Variants in FAM83G observed in about 807,000 individuals in gnomAD.
The protein encoded by FAM83G is protein FAM83G.
FAM83G carries 38 observed loss-of-function variants against 61.5 expected under a neutral mutation model. The ratio of observed to expected loss-of-function variants is 0.62; its 90% CI spans 0.48 to 0.81. FAM83G has a LOEUF of 0.81. Among genes scored for constraint, FAM83G ranks in the 30% least tolerant of loss-of-function variants. The pLI is 0.00. For synonymous variants in FAM83G, 470 were observed against 476.1 expected, an observed-to-expected ratio of 0.99 and a Z score of 0.17; for missense variants, 989 against 1,133.6, an observed-to-expected ratio of 0.87 and a Z score of 1.83.
intron 2 of FAM83G, among the ~76,000 whole-genome samples, chr17:18,999,966 T>C (rs1407229230): frequency 6.6e-6 from 1 of 152,206 alleles, no homozygotes; most frequent in Non-Finnish European, 1.5e-5. Context: ...CAGCATCTGC[T>C]GGAGGAGCAA....
upstream of FAM83G, among the ~76,000 whole-genome samples, chr17:19,005,333 G>T (rs2043854739): frequency 6.6e-6 from 1 of 152,216 alleles, no homozygotes; most frequent in Non-Finnish European, 1.5e-5. Flanking sequence ...GCAGGGAGGG[G>T]CCAAGAGGGC....
intron 2 of FAM83G, among the ~76,000 whole-genome samples, chr17:18,998,932 C>T (rs113861956): frequency 1.7e-4 from 26 of 152,298 alleles, no homozygotes; most frequent in African/African-American, 5.5e-4. Context: ...TGTGAGTCCC[C>T]GTCCCAGCCC....
At chr17:18,975,455 C>T (rs1045908815) in intron 5 of FAM83G, among the ~76,000 whole-genome samples, 12 of 151,994 alleles carry the variant, frequency 7.9e-5, no homozygotes, top group Admixed American at 2.6e-4. Flanking sequence ...TTTGGGAGGC[C>T]GAGGCGGGCA....
At chr17:18,992,634 C>T (rs994226034) in intron 2 of FAM83G, among the ~76,000 whole-genome samples, 3 of 152,232 alleles carry the variant, frequency 2.0e-5, no homozygotes, top group Admixed American at 1.3e-4. Flanking sequence ...CGGGCGGAGT[C>T]GGTCCAGCAC....
intron 2 of FAM83G, among the ~76,000 whole-genome samples, chr17:18,998,684 A>G (rs2043634228): frequency 6.6e-6 from 1 of 152,190 alleles, no homozygotes; most frequent in Admixed American, 6.5e-5. Flanking sequence ...CTCTTAATTA[A>G]GGGAAGGGAG....
chr17:18,988,253 G>A lies in FAM83G; in HGVS notation c.684C>T (p.His228=). The A allele has an allele frequency of 1.2e-6, 2 of 1,608,384 alleles. No homozygotes were observed. Among genetic ancestry groups the A allele is most frequent in the Non-Finnish European group, 1.7e-6 (2 of 1,175,298 alleles). The change falls in exon 3 of 6, where the codon CAC becomes CAT. Residue 228 remains histidine (H), a synonymous_variant. Coordinates refer to ENST00000388995, the MANE Select transcript of FAM83G (RefSeq NM_001039999.3). ...MCERACMHLG[H]LKNLRVRSSG... ...AAGTGAGGAGCCTGCTCACCTTGAG[G>A]TGCCCCAGGTGCATGCAGGCCCGCT...
chr17:18,993,496 C>G (rs1380668594), intron 2 of FAM83G, among the ~76,000 whole-genome samples: 1 of 152,158 alleles, frequency 6.6e-6, no homozygotes, highest in Non-Finnish European at 1.5e-5. Context: ...TCCTAGGCCT[C>G]AGAGATCCCT....
chr17:18,988,436 A>T lies in FAM83G; in HGVS notation c.523-22T>A, dbSNP rs757670502. On this transcript the variant is annotated intron_variant, in intron 2 of 5. Transcript: ENST00000388995. ...TCACCTGGGAGCAAGAAGAGAGACT[A>T]GGGCCTGTCAGACAGTGCAGCAGTG... 8.7e-6 allele frequency: 14 copies of T among 1,612,424 alleles called. No individual in the cohort carries two copies. In the South Asian group the frequency reaches 1.4e-4, roughly 16 times the overall value.
rs2042808965 is a variant in FAM83G at position 18,970,291 on chromosome 17, C to T, written c.*1068G>A. The T allele has an allele frequency of 6.5e-6, 1 of 152,830 alleles. No homozygotes were observed. Among genetic ancestry groups the T allele is most frequent in the Non-Finnish European group, 1.5e-5 (1 of 68,554 alleles). 9.5% of individuals were successfully genotyped at this position (152,830 alleles called of 1,614,324 possible). On this transcript the variant is annotated 3_prime_UTR_variant, in exon 6 of 6. Coordinates refer to ENST00000388995, the MANE Select transcript of FAM83G (RefSeq NM_001039999.3). Reference sequence around the variant, plus strand: ...TCTCAGACCAGGGGCTCTAGTGTCCCTGGGACCCACCGCATGAGAGGGATC... The same window carrying T: ...TCTCAGACCAGGGGCTCTAGTGTCCTTGGGACCCACCGCATGAGAGGGATC...
Position 18,969,047 on chromosome 17 carries a change from C to T in FAM83G, c.*2312G>A, listed in dbSNP as rs1266555692. The T allele has an allele frequency of 1.1e-5, 17 of 1,611,432 alleles. No individual in the cohort carries two copies. The highest frequency in any genetic ancestry group is 1.3e-5 in the African/African-American group (1 of 74,998). Reference sequence around the variant, plus strand: ...AGTCCCACACAAGGCTCTCTCCCTCCGCAGCTGGACCTGTACGCGGGGGCT... The same window carrying T: ...AGTCCCACACAAGGCTCTCTCCCTCTGCAGCTGGACCTGTACGCGGGGGCT... On this transcript the variant is annotated 3_prime_UTR_variant, in exon 6 of 6. Transcript: ENST00000388995.
chr17:18,972,470 G>A (rs2042878760), intron 5 of FAM83G, among the ~76,000 whole-genome samples: 3 of 152,190 alleles, frequency 2.0e-5, no homozygotes, highest in Admixed American at 6.5e-5. Context: ...AACCCAGAGT[G>A]GAGTGACTTT....
rs191085882 is a variant in FAM83G, at chr17:18,970,900, A to C, written c.*459T>G. ...ACACTGGGAAAGATGAGGTGGAAAA[A>C]ACTCAAGTTTGATGCATCAGGAAGT... On this transcript the variant is annotated 3_prime_UTR_variant, in exon 6 of 6. Transcript: ENST00000388995. The C allele has an allele frequency of 2.6e-4, 255 of 967,534 alleles. 1 individual carries two copies. The East Asian group carries it at 6.1e-3, about 23-fold the overall frequency. 59.9% of individuals were successfully genotyped at this position (967,534 alleles called of 1,614,324 possible).
At position 18,970,421 on chromosome 17, in the gene FAM83G, G is replaced by A. The variant is rs2042812390; in HGVS notation, c.*938C>T. 6.4e-6 allele frequency: 1 copy of A among 156,892 alleles called. No homozygotes were observed. Among genetic ancestry groups the A allele is most frequent in the Non-Finnish European group, 1.4e-5 (1 of 70,778 alleles). 9.7% of individuals were successfully genotyped at this position (156,892 alleles called of 1,614,324 possible). A position where few individuals can be genotyped will look rare whatever the true frequency, so the allele number is the denominator to read the frequency against. ...ACCCCGAGGTAGACAGGAACAGTGAGGTGTTTTGGACTGGAGAGGAAAAAG... is the reference window on the plus strand; with the variant it reads ...ACCCCGAGGTAGACAGGAACAGTGAAGTGTTTTGGACTGGAGAGGAAAAAG... On this transcript the variant is annotated 3_prime_UTR_variant, in exon 6 of 6. Transcript: ENST00000388995.
chr17:18,977,942 C>T lies in FAM83G; in HGVS notation c.1724G>A (p.Gly575Glu), dbSNP rs752365106. 1.9e-6 allele frequency: 3 copies of T among 1,605,872 alleles called. No homozygotes were observed. The highest frequency in any genetic ancestry group is 2.6e-6 in the Non-Finnish European group (3 of 1,176,070). The change falls in exon 5 of 6, where the codon GGG becomes GAG. Residue 575 changes from glycine (G) to glutamate (E), a missense_variant. Around this residue, in one of 3 missense-constraint regions of FAM83G, gnomAD observed 574 missense variants for 645.1 expected, o/e 0.89. Transcript: ENST00000388995. Reference protein sequence around the residue: ...PESLGVGLPNGLDGVEEEDDD... With the variant: ...PESLGVGLPNELDGVEEEDDD... ...ATCTTCTTCTTCCACCCCATCCAGC[C>T]CATTGGGGAGCCCCACCCCGAGGCT...
chr17:18,994,454 C>T (rs186552898), intron 2 of FAM83G, among the ~76,000 whole-genome samples: 48 of 152,274 alleles, frequency 3.2e-4, no homozygotes, highest in South Asian at 4.2e-4. Flanking sequence ...ACAGAGTGAA[C>T]TCCAGAGACC....
Position 18,968,869 on chromosome 17 carries a change from C to G in FAM83G, c.*2490G>C, listed in dbSNP as rs571458369. The G allele has an allele frequency of 5.0e-6, 3 of 595,992 alleles. No homozygotes were observed. The highest frequency in any genetic ancestry group is 3.0e-5 in the Admixed American group (1 of 32,850). The allele number at this position is 595,992 out of a possible 1,614,324, so 36.9% of individuals were successfully genotyped here. On this transcript the variant is annotated 3_prime_UTR_variant, in exon 6 of 6. Coordinates refer to ENST00000388995, the MANE Select transcript of FAM83G (RefSeq NM_001039999.3). The surrounding 1 kb of genome is among the most constrained non-coding windows in gnomAD (Gnocchi z 4.1). ...ACATCCGCACAAGCTTGTAGCTCCA[C>G]GGCCAGGTCTTCCCCCAACCTCACA...
intron 3 of FAM83G, among the ~76,000 whole-genome samples, chr17:18,985,489 G>A (rs773502739): frequency 4.6e-5 from 7 of 152,236 alleles, no homozygotes; most frequent in Non-Finnish European, 1.0e-4. Flanking sequence ...CTGGGCAGGG[G>A]TGGCAGTGGC....
In FAM83G at chr17:18,976,996, C is replaced by T. The variant is rs547247312; in HGVS notation, c.2082+588G>A. On this transcript the variant is annotated intron_variant, in intron 5 of 5. Coordinates refer to ENST00000388995, the MANE Select transcript of FAM83G (RefSeq NM_001039999.3). ...AGCCGCGCATTGTTCCCAGGTAGGACGGGCTCCGGGCACTGAACCCAGGCT... is the reference window on the plus strand; with the variant it reads ...AGCCGCGCATTGTTCCCAGGTAGGATGGGCTCCGGGCACTGAACCCAGGCT... 5.2e-5 allele frequency: 84 copies of T among 1,611,098 alleles called. 1 individual carries two copies. The South Asian group carries it at 5.9e-4, about 11-fold the overall frequency.
intron 2 of FAM83G, among the ~76,000 whole-genome samples, chr17:18,994,333 G>A (rs1402101304): frequency 1.3e-5 from 2 of 152,194 alleles, no homozygotes; most frequent in Non-Finnish European, 2.9e-5. Context: ...GCAGCACAGG[G>A]AGGGGCGCCC....
Sources: gnomAD v4.1 joint callset for allele counts (sites outside exome capture counted in the v4.1 genomes callset) on GRCh38, gnomAD v4.1.1 for gene constraint, gnomAD v4.1.1 regional missense constraint, Gnocchi (gnomAD v3.1) non-coding constraint, MANE v1.5 for transcripts, NCBI Gene and HGNC (gene_info 2026-07-23, HGNC 2026-07-21) for gene names.